Variants in ELFN2 observed in about 807,000 individuals in gnomAD.
ELFN2 encodes the protein extracellular leucine rich repeat and fibronectin type III domain containing 2, also known as protein phosphatase 1 regulatory subunit 29.
In ELFN2, 17 loss-of-function variants were observed where a neutral mutation model predicts 45.5. That is an observed-to-expected ratio of 0.37 (90% CI 0.26 to 0.56). The LOEUF (loss-of-function observed/expected upper bound fraction) is 0.56. Ranked by LOEUF, ELFN2 falls within the 20% of genes least tolerant of loss-of-function variation. The pLI, the probability that ELFN2 is intolerant of heterozygous loss-of-function variation, is 0.77. For missense variants in ELFN2, 922 were observed against 1,183.2 expected (o/e 0.78, Z 3.24); for synonymous variants, 550 against 551.5 (o/e 1.00, Z 0.04).
chr22:37,396,840 A>C (rs976437674), intron 2 of ELFN2, among the ~76,000 whole-genome samples: 1 of 152,080 alleles, frequency 6.6e-6, no homozygotes, highest in Non-Finnish European at 1.5e-5. Context: ...CTTTCCCGTC[A>C]ACTCCTGCCT....
chr22:37,371,227 C>T lies in ELFN2; in HGVS notation c.*1845G>A, dbSNP rs1255992987. On this transcript the variant is annotated 3_prime_UTR_variant, in exon 3 of 3. Coordinates refer to ENST00000402918, the MANE Select transcript of ELFN2 (RefSeq NM_052906.5). This position sits in a 1 kb window ranked among gnomAD's most constrained non-coding sequence, Gnocchi z 6.4. Reference sequence around the variant, plus strand: ...TGGGGTCCCCAGGGGATGGCACTAGCTTTCCTGGTCAGAGCCCCTGCCCAC... The same window carrying T: ...TGGGGTCCCCAGGGGATGGCACTAGTTTTCCTGGTCAGAGCCCCTGCCCAC... 1.3e-5 allele frequency: 2 copies of T among 152,482 alleles called. No individual in the cohort carries two copies. The highest frequency in any genetic ancestry group is 4.8e-5 in the African/African-American group (2 of 41,426). 9.4% of individuals were successfully genotyped at this position (152,482 alleles called of 1,614,324 possible).
At chr22:37,421,983 T>C (rs2145692526) in intron 1 of ELFN2, among the ~76,000 whole-genome samples, 1 of 152,330 alleles carries the variant, frequency 6.6e-6, no homozygotes, top group East Asian at 1.9e-4. Flanking sequence ...GAGTCAGGCC[T>C]GAGTCTTGGG....
chr22:37,377,978 C>T (rs895081321), intron 2 of ELFN2, among the ~76,000 whole-genome samples: 4 of 152,220 alleles, frequency 2.6e-5, no homozygotes, highest in African/African-American at 9.6e-5. Context: ...AGTCTCCATG[C>T]TTGCCACTTC....
intron 2 of ELFN2, among the ~76,000 whole-genome samples, chr22:37,382,562 T>TA (rs66625609): frequency 1.6e-5 from 2 of 123,742 alleles, no homozygotes; most frequent in Non-Finnish European, 3.3e-5. Flanking sequence ...TTTTTTTTTT[T>TA]AAAAACAGAC....
intron 2 of ELFN2, among the ~76,000 whole-genome samples, chr22:37,342,190 G>A (rs1456531909): frequency 6.6e-6 from 1 of 152,212 alleles, no homozygotes; most frequent in Non-Finnish European, 1.5e-5. Context: ...GAGGCACGGA[G>A]AAGCGGAGTG....
rs1395830883 is a variant in ELFN2, at chr22:37,388,216, A to G, written c.-462-12220T>C. Among the ~76,000 whole-genome samples, 9 of 151,998 alleles carry G rather than the reference A, an allele frequency of 5.9e-5. No homozygotes were observed. In the East Asian group the frequency reaches 1.6e-3, roughly 26 times the overall value. ...GCTGATCTGGGAAAATTCCAACAGCATCCAGAGCCCAGCCCACATGGTCTT... is the reference window on the plus strand; with the variant it reads ...GCTGATCTGGGAAAATTCCAACAGCGTCCAGAGCCCAGCCCACATGGTCTT... On this transcript the variant is annotated intron_variant, in intron 2 of 2. Transcript: ENST00000402918.
At chr22:37,413,595 C>T (rs1569143637) in intron 2 of ELFN2, among the ~76,000 whole-genome samples, 2 of 151,796 alleles carry the variant, frequency 1.3e-5, no homozygotes, top group African/African-American at 4.8e-5. Flanking sequence ...GATCCCACAG[C>T]CCATTAATGG....
At position 37,373,011 on chromosome 22, in the gene ELFN2, C is replaced by A; in HGVS notation, c.*61G>T. The A allele has an allele frequency of 6.6e-7, 1 of 1,524,244 alleles. No individual in the cohort carries two copies. The highest frequency in any genetic ancestry group is 8.8e-7 in the Non-Finnish European group (1 of 1,137,622). The allele number at this position is 1,524,244 out of a possible 1,614,324, so 94.4% of individuals were successfully genotyped here. On this transcript the variant is annotated 3_prime_UTR_variant, in exon 3 of 3. Coordinates refer to ENST00000402918, the MANE Select transcript of ELFN2 (RefSeq NM_052906.5). ...CTGCTCCCCGCCCTGGCCGCCTGGA[C>A]CCTTCCCCCAAAAGGCCCCCAGCCC...
intron 2 of ELFN2, among the ~76,000 whole-genome samples, chr22:37,401,688 C>T (rs5756668): frequency 1.3e-5 from 2 of 151,862 alleles, no homozygotes; most frequent in Admixed American, 6.5e-5. Flanking sequence ...CTAGGAGGCG[C>T]GTGAGGTTTC....
At chr22:37,405,129 C>G (rs5750431) in intron 2 of ELFN2, among the ~76,000 whole-genome samples, 72,470 of 142,126 alleles carry the variant, frequency 0.51, 19,117 homozygotes, top group African/African-American at 0.66. Flanking sequence ...GAGTCTCGCT[C>G]TTGCCCAGGC....
intron 1 of ELFN2, among the ~76,000 whole-genome samples, chr22:37,422,603 GT>G (rs996931079): frequency 1.3e-5 from 2 of 151,888 alleles, no homozygotes; most frequent in East Asian, 1.9e-4. Flanking sequence ...TACTGGGGAA[GT>G]TTTTTTTGAG....
intron 2 of ELFN2, among the ~76,000 whole-genome samples, chr22:37,412,986 G>A (rs986972633): frequency 1.3e-4 from 20 of 152,174 alleles, no homozygotes; most frequent in African/African-American, 4.6e-4. Flanking sequence ...CTGAGCATAG[G>A]TCCAAATCCC....
At chr22:37,359,829 G>C (rs1458395642) in intron 1 of ELFN2, among the ~76,000 whole-genome samples, 6 of 152,144 alleles carry the variant, frequency 3.9e-5, no homozygotes, top group African/African-American at 1.4e-4. Context: ...AGAGGTGATA[G>C]TGTTACAGCT....
chr22:37,388,775 T>C (rs774851436), intron 2 of ELFN2, among the ~76,000 whole-genome samples: 2 of 152,048 alleles, frequency 1.3e-5, no homozygotes, highest in Non-Finnish European at 2.9e-5. Context: ...ATCTGTAAAG[T>C]GGGAAGGAGC....
chr22:37,391,748 G>T (rs1932092488), intron 2 of ELFN2, among the ~76,000 whole-genome samples: 1 of 152,188 alleles, frequency 6.6e-6, no homozygotes, highest in South Asian at 2.1e-4. Context: ...ACGGCAGACA[G>T]ACCCTTACAT....
At chr22:37,398,725 C>T (rs1458360619) in intron 2 of ELFN2, among the ~76,000 whole-genome samples, 1 of 152,164 alleles carries the variant, frequency 6.6e-6, no homozygotes, top group Non-Finnish European at 1.5e-5. Context: ...AACTGCTCCC[C>T]GCTTCACACA....
chr22:37,360,256 A>G (rs1278307715), intron 1 of ELFN2, among the ~76,000 whole-genome samples: 2 of 152,174 alleles, frequency 1.3e-5, no homozygotes, highest in Non-Finnish European at 2.9e-5. Context: ...AGAGGCAGCC[A>G]GGCCTGGGAT....
chr22:37,362,495 G>GC (rs1324028945), intron 1 of ELFN2, among the ~76,000 whole-genome samples: 3 of 152,216 alleles, frequency 2.0e-5, no homozygotes, highest in Admixed American at 2.0e-4. Flanking sequence ...GGTTGACAGG[G>GC]CCGGCACAGG....
chr22:37,401,407 G>A (rs780058417), intron 2 of ELFN2, among the ~76,000 whole-genome samples: 3 of 144,780 alleles, frequency 2.1e-5, no homozygotes, highest in East Asian at 4.1e-4. Flanking sequence ...TGGTCATGGG[G>A]CCTCCTGCAC....
Sources: allele counts gnomAD v4.1 joint callset (sites outside exome capture counted in the v4.1 genomes callset), GRCh38; gene constraint gnomAD v4.1.1; non-coding constraint Gnocchi (gnomAD v3.1); transcripts MANE v1.5; gene names NCBI Gene and HGNC (gene_info 2026-07-23, HGNC 2026-07-21).